Variants in DACH1 observed in about 807,000 individuals in gnomAD.
DACH1 encodes dachshund homolog 1.
In DACH1, 12 loss-of-function variants were observed where a neutral mutation model predicts 54.2. The observed-to-expected ratio is 0.22, with a 90% CI of 0.14 to 0.36. The LOEUF is 0.36. Among genes scored for constraint, DACH1 ranks in the 10% least tolerant of loss-of-function variants. The probability of loss-of-function intolerance (pLI) is 1.00; values close to 1 mark genes in which losing one functional copy is unlikely to be tolerated. For missense variants in DACH1, 805 were observed against 929.8 expected, an observed-to-expected ratio of 0.87 and a Z score of 1.75; for synonymous variants, 386 against 366.2, an observed-to-expected ratio of 1.05 and a Z score of -0.62.
chr13:71,619,774 G>A (rs1469893910), intron 3 of DACH1, among the ~76,000 whole-genome samples: 1 of 151,876 alleles, frequency 6.6e-6, no homozygotes, highest in East Asian at 1.9e-4. Context: ...GCTAAGTTAT[G>A]TAATTGCTAA....
At chr13:71,787,064 C>A (rs1398732990) in intron 1 of DACH1, among the ~76,000 whole-genome samples, 5 of 152,130 alleles carry the variant, frequency 3.3e-5, no homozygotes, top group African/African-American at 1.2e-4. Context: ...CACACAAGAG[C>A]CTTTTTCTTC....
chr13:71,449,143 C>T (rs1874761093), intron 10 of DACH1, among the ~76,000 whole-genome samples: 1 of 151,760 alleles, frequency 6.6e-6, no homozygotes, highest in Non-Finnish European at 1.5e-5. Flanking sequence ...AGTTTGAGAC[C>T]AGCAAAACCC....
chr13:71,760,700 ATTTC>A (rs1482463975), intron 1 of DACH1, among the ~76,000 whole-genome samples: 2 of 152,146 alleles, frequency 1.3e-5, no homozygotes, highest in African/African-American at 4.8e-5. Context: ...AGTGGTGAGG[ATTTC>A]TTTTTCAGTG....
chr13:71,457,652 G>A (rs565964735), intron 10 of DACH1, among the ~76,000 whole-genome samples: 4 of 151,932 alleles, frequency 2.6e-5, no homozygotes, highest in Non-Finnish European at 4.4e-5. Flanking sequence ...ACTTTGCTTC[G>A]AAATGTTGCC....
intron 4 of DACH1, among the ~76,000 whole-genome samples, chr13:71,560,925 G>A (rs766738606): frequency 1.3e-5 from 2 of 152,098 alleles, no homozygotes; most frequent in South Asian, 2.1e-4. Context: ...GTATGTAGAT[G>A]TATAATGTAC....
chr13:71,830,228 G>C (rs1888531994), intron 1 of DACH1, among the ~76,000 whole-genome samples: 1 of 151,748 alleles, frequency 6.6e-6, no homozygotes, highest in Admixed American at 6.6e-5. Flanking sequence ...TATTTATATA[G>C]GCAAAATTCT....
chr13:71,516,930 T>TTA (rs10659851), intron 6 of DACH1, among the ~76,000 whole-genome samples: 136,011 of 147,940 alleles, frequency 0.92, 63,153 homozygotes, highest in South Asian at 0.98. Context: ...ATTTTTATGT[T>TTA]TATATATATA....
At chr13:71,521,804 G>T (rs1445519667) in intron 6 of DACH1, among the ~76,000 whole-genome samples, 1 of 152,064 alleles carries the variant, frequency 6.6e-6, no homozygotes, top group African/African-American at 2.4e-5. Flanking sequence ...GTTTAAAGAC[G>T]AAGAGCCTCA....
At chr13:71,507,673 T>C (rs1290602594) in intron 6 of DACH1, among the ~76,000 whole-genome samples, 1 of 152,170 alleles carries the variant, frequency 6.6e-6, no homozygotes, top group Non-Finnish European at 1.5e-5. Flanking sequence ...AGTCCATCCT[T>C]GGACTGACTA....
At chr13:71,594,541 A>G (rs1873957924) in intron 3 of DACH1, among the ~76,000 whole-genome samples, 1 of 152,164 alleles carries the variant, frequency 6.6e-6, no homozygotes, top group Non-Finnish European at 1.5e-5. Flanking sequence ...AAATCCCTAC[A>G]TTTTAAGCAG....
At chr13:71,552,357 A>G (rs185393864) in intron 6 of DACH1, among the ~76,000 whole-genome samples, 1 of 152,234 alleles carries the variant, frequency 6.6e-6, no homozygotes, top group African/African-American at 2.4e-5. Flanking sequence ...TAAGTTTTCT[A>G]TAATTGGAAG....
chr13:71,629,023 T>C (rs934794985), intron 3 of DACH1, among the ~76,000 whole-genome samples: 2 of 152,154 alleles, frequency 1.3e-5, no homozygotes, highest in Non-Finnish European at 2.9e-5. Context: ...ATAATAGATA[T>C]AATGTATAAG....
Position 71,438,094 on chromosome 13 carries a change from T to C in DACH1, c.*2561A>G, listed in dbSNP as rs1441615559. On this transcript the variant is annotated 3_prime_UTR_variant, in exon 11 of 11. Transcript: ENST00000613252. ...AGGCTACCATAGAAAAATTTCCAAT[T>C]CTTGCATTATGATGTAAAAACAGAT... The C allele has an allele frequency of 3.9e-5, 6 of 152,388 alleles. No homozygotes were observed. Among genetic ancestry groups the C allele is most frequent in the Non-Finnish European group, 8.8e-5 (6 of 67,858 alleles). 9.4% of individuals were successfully genotyped at this position (152,388 alleles called of 1,614,324 possible).
chr13:71,789,879 A>G (rs1414969222), intron 1 of DACH1, among the ~76,000 whole-genome samples: 1 of 152,184 alleles, frequency 6.6e-6, no homozygotes, highest in Non-Finnish European at 1.5e-5. Context: ...TGTGTTTCTC[A>G]GGGTCTGTGA....
At chr13:71,702,481 C>A (rs954666519) in intron 1 of DACH1, among the ~76,000 whole-genome samples, 24 of 152,214 alleles carry the variant, frequency 1.6e-4, no homozygotes, top group African/African-American at 5.5e-4. Flanking sequence ...TCCTATAAAA[C>A]AATAAACTTC....
At chr13:71,622,314 T>C (rs1876305949) in intron 3 of DACH1, among the ~76,000 whole-genome samples, 1 of 151,944 alleles carries the variant, frequency 6.6e-6, no homozygotes. Flanking sequence ...CAAAACAATA[T>C]TGGACTACAA....
intron 1 of DACH1, among the ~76,000 whole-genome samples, chr13:71,700,200 G>C (rs1413706188): frequency 6.6e-6 from 1 of 152,018 alleles, no homozygotes; most frequent in Admixed American, 6.6e-5. Context: ...TTGAGAACAG[G>C]AAATAAGAAA....
Position 71,569,558 on chromosome 13 carries a change from G to A in DACH1, c.1299+3282C>T, listed in dbSNP as rs185506232. Reference sequence around the variant, plus strand: ...AGCAGCAGAATAGATTTCACCCAACGTTGGCAGCTTGGGGATTCAGACCCT... The same window carrying A: ...AGCAGCAGAATAGATTTCACCCAACATTGGCAGCTTGGGGATTCAGACCCT... On this transcript the variant is annotated intron_variant, in intron 4 of 10. Transcript: ENST00000613252. Among the ~76,000 whole-genome samples the A allele has an allele frequency of 4.0e-3, 605 of 152,132 alleles. 4 individuals carry two copies. The highest frequency in any genetic ancestry group is 6.7e-3 in the Non-Finnish European group (453 of 67,980).
At chr13:71,451,994 A>G (rs1388278506) in intron 10 of DACH1, among the ~76,000 whole-genome samples, 1 of 152,246 alleles carries the variant, frequency 6.6e-6, no homozygotes, top group Non-Finnish European at 1.5e-5. Context: ...AAAATATTAT[A>G]TAGACAGAGA....
Sources: gnomAD v4.1 joint callset for allele counts (sites outside exome capture counted in the v4.1 genomes callset) on GRCh38, gnomAD v4.1.1 for gene constraint, MANE v1.5 for transcripts, NCBI Gene and HGNC (gene_info 2026-07-23, HGNC 2026-07-21) for gene names.